TRIM66: variants seen among roughly 807,000 people sequenced by gnomAD.
TRIM66 encodes the protein tripartite motif-containing protein 66.
A neutral mutation model predicts 148.2 loss-of-function variants in TRIM66; 99 were observed. The observed-to-expected ratio is 0.67, with a 90% CI of 0.57 to 0.79. TRIM66 has a LOEUF of 0.79. TRIM66 is among the 30% of genes least tolerant of loss of function. TRIM66 has a pLI of 0.00. For missense variants in TRIM66, 1,666 were observed against 1,697.9 expected, an observed-to-expected ratio of 0.98 and a Z score of 0.33; for synonymous variants, 616 against 635.9, an observed-to-expected ratio of 0.97 and a Z score of 0.47.
intron 6 of TRIM66, among the ~76,000 whole-genome samples, chr11:8,670,017 A>G (rs12799863): frequency 7.1e-6 from 1 of 141,598 alleles, no homozygotes; most frequent in Non-Finnish European, 1.5e-5. Context: ...GTTTTTATTT[A>G]TTTTTTTTTT....
Position 8,621,697 on chromosome 11 carries a change from C to G in TRIM66, c.3203G>C (p.Ser1068Thr). ...LKPQKNDQDGSFLLIIECGTE... is the reference protein window; with the variant it reads ...LKPQKNDQDGTFLLIIECGTE... ...GCCACACTCGATGATCAGCAGGAAG[C>G]TCCCATCCTGATCATTCTTCTGTGG... Residue 1068 changes from serine to threonine, a missense_variant, in exon 19 of 25, where the codon AGC (serine) becomes ACC (threonine). Ser to Thr is a moderately conservative substitution (Grantham distance 58). Coordinates refer to ENST00000646038, the MANE Select transcript of TRIM66 (RefSeq NM_001388022.1). 1 of 1,551,536 alleles carries G rather than the reference C, an allele frequency of 6.4e-7. No individual in the cohort carries two copies. The highest frequency in any genetic ancestry group is 2.4e-5 in the East Asian group (1 of 40,914).
intron 1 of TRIM66, among the ~76,000 whole-genome samples, chr11:8,681,334 CGT>C (rs1387278225): frequency 6.6e-6 from 1 of 151,952 alleles, no homozygotes; most frequent in African/African-American, 2.4e-5. Context: ...GGGGTTTCAC[CGT>C]GTTAGCCAGG....
intron 6 of TRIM66, among the ~76,000 whole-genome samples, chr11:8,669,909 G>C (rs1458456313): frequency 6.6e-6 from 1 of 152,018 alleles, no homozygotes; most frequent in Non-Finnish European, 1.5e-5. Flanking sequence ...TGTTATATAG[G>C]TACATTGTGT....
chr11:8,674,330 T>C (rs1748177433), intron 4 of TRIM66, among the ~76,000 whole-genome samples: 1 of 152,270 alleles, frequency 6.6e-6, no homozygotes, highest in Non-Finnish European at 1.5e-5. Flanking sequence ...TGTTATATGT[T>C]AACACGAATA....
In TRIM66 at chr11:8,617,906, G is replaced by C. The variant is rs1437477145; in HGVS notation, c.*38C>G. ...TGGGGAGGAATGGTCGACAGTATGG[G>C]ACAACAGCTGCCAGAGTGCCCAGTC... On this transcript the variant is annotated 3_prime_UTR_variant, in exon 25 of 25. Transcript: ENST00000646038. 6.5e-7 allele frequency: 1 copy of C among 1,547,256 alleles called. No homozygotes were observed. The highest frequency in any genetic ancestry group is 8.7e-7 in the Non-Finnish European group (1 of 1,142,950).
chr11:8,643,271 C>T (rs540449733), intron 12 of TRIM66, 145 bp from the exon 13 acceptor site: 7 of 582,214 alleles, frequency 1.2e-5, no homozygotes, highest in African/African-American at 1.9e-5. Context: ...TTCTCTTGCA[C>T]CTTAGCACCT....
chr11:8,650,180 C>T (rs1447631441), intron 7 of TRIM66, among the ~76,000 whole-genome samples: 1 of 152,060 alleles, frequency 6.6e-6, no homozygotes, highest in Non-Finnish European at 1.5e-5. Flanking sequence ...TCAGACTAGC[C>T]TGGGCAACAT....
At chr11:8,629,048 T>C (rs983156767) in intron 15 of TRIM66, among the ~76,000 whole-genome samples, 6 of 152,156 alleles carry the variant, frequency 3.9e-5, no homozygotes, top group Non-Finnish European at 8.8e-5. Context: ...ACAAGAAGGG[T>C]TGAAGAGAAG....
chr11:8,661,531 G>A (rs2038255046), intron 6 of TRIM66, among the ~76,000 whole-genome samples: 1 of 152,138 alleles, frequency 6.6e-6, no homozygotes. Flanking sequence ...TTTCCAGCTG[G>A]GCCTGGAGAC....
chr11:8,613,907 T>G lies in TRIM66; in HGVS notation c.*4037A>C, dbSNP rs1409894985. On this transcript the variant is annotated 3_prime_UTR_variant, in exon 25 of 25. Coordinates refer to ENST00000646038, the MANE Select transcript of TRIM66 (RefSeq NM_001388022.1). ...GGAAAAAAAAAGGGATCACAACAAG[T>G]TAAAGAATTTCCAGTCAACACTGAG... 1 of 151,898 alleles carries G rather than the reference T, an allele frequency of 6.6e-6. No homozygotes were observed. Among genetic ancestry groups the G allele is most frequent in the African/African-American group, 2.4e-5 (1 of 41,322 alleles). The allele number at this position is 151,898 out of a possible 1,614,324, so 9.4% of individuals were successfully genotyped here. A position where few individuals can be genotyped will look rare whatever the true frequency, so the allele number is the denominator to read the frequency against.
In TRIM66 at chr11:8,621,183, T is replaced by C. The variant is rs897992769; in HGVS notation, c.3394A>G (p.Thr1132Ala). The C allele has an allele frequency of 1.9e-6, 3 of 1,551,528 alleles. No individual in the cohort carries two copies. The highest frequency in any genetic ancestry group is 2.6e-6 in the Non-Finnish European group (3 of 1,146,982). The change falls in exon 20 of 25, where the codon ACC (threonine) becomes GCC (alanine). Residue 1132 changes from threonine to alanine, a missense_variant. Coordinates refer to ENST00000646038, the MANE Select transcript of TRIM66 (RefSeq NM_001388022.1). ...GGGGGGCCCTTCTTGGCTCCTGGGGTTCGAGGAATGAGTCTGTGTTCTTCA... is the reference window on the plus strand; with the variant it reads ...GGGGGGCCCTTCTTGGCTCCTGGGGCTCGAGGAATGAGTCTGTGTTCTTCA... ...SPEEHRLIPR[T>A]PGAKKGPPAP...
At chr11:8,665,526 G>A (rs1296777972) in intron 6 of TRIM66, among the ~76,000 whole-genome samples, 1 of 152,150 alleles carries the variant, frequency 6.6e-6, no homozygotes, top group Non-Finnish European at 1.5e-5. Flanking sequence ...TGAAGTCAAG[G>A]GCTCTGTCTT....
intron 6 of TRIM66, among the ~76,000 whole-genome samples, chr11:8,652,850 T>C (rs748873371): frequency 2.0e-5 from 3 of 152,252 alleles, no homozygotes; most frequent in Non-Finnish European, 4.4e-5. Flanking sequence ...AATGATATGA[T>C]GGCAGTTGCT....
chr11:8,638,542 A>C, intron 15 of TRIM66, 112 bp downstream of exon 15: 5 of 1,214,262 alleles, frequency 4.1e-6, no homozygotes, highest in Non-Finnish European at 5.7e-6. Context: ...TGTAGCGTCC[A>C]GGGATGGAAC....
intron 15 of TRIM66, among the ~76,000 whole-genome samples, chr11:8,634,235 G>A (rs1485036603): frequency 2.0e-5 from 3 of 152,088 alleles, no homozygotes; most frequent in Non-Finnish European, 2.9e-5. Context: ...GCGCAATCTC[G>A]GCTCACTACA....
intron 6 of TRIM66, 131 bp from the exon 7 acceptor site, chr11:8,652,034 T>G (rs948886271): frequency 4.4e-6 from 3 of 683,744 alleles, no homozygotes; most frequent in South Asian, 2.0e-5. Context: ...TGAACTACAC[T>G]TGATGCCATA....
chr11:8,618,422 T>C (rs964573042), intron 24 of TRIM66, among the ~76,000 whole-genome samples: 1 of 152,204 alleles, frequency 6.6e-6, no homozygotes, highest in Non-Finnish European at 1.5e-5. Context: ...AATTCCCTTC[T>C]TAGGGGCATC....
In TRIM66 at chr11:8,614,413, A is replaced by C. The variant is rs1055049078; in HGVS notation, c.*3531T>G. 6.6e-6 allele frequency: 1 copy of C among 152,264 alleles called. No homozygotes were observed. The highest frequency in any genetic ancestry group is 1.5e-5 in the Non-Finnish European group (1 of 68,094). 9.4% of individuals were successfully genotyped at this position (152,264 alleles called of 1,614,324 possible). Reference sequence around the variant, plus strand: ...ATGAGAAAGTTCAGGATGCTGACAAAAACATCAGTGTGTGATAGGCTCTGG... The same window carrying C: ...ATGAGAAAGTTCAGGATGCTGACAACAACATCAGTGTGTGATAGGCTCTGG... On this transcript the variant is annotated 3_prime_UTR_variant, in exon 25 of 25. Transcript: ENST00000646038.
At chr11:8,632,225 T>C (rs2035470522) in intron 15 of TRIM66, among the ~76,000 whole-genome samples, 1 of 151,862 alleles carries the variant, frequency 6.6e-6, no homozygotes, top group Non-Finnish European at 1.5e-5. Context: ...GGAGAATTGC[T>C]TGAACCCAGG....
Sources: gnomAD v4.1 joint callset for allele counts (sites outside exome capture counted in the v4.1 genomes callset) on GRCh38, gnomAD v4.1.1 for gene constraint, MANE v1.5 for transcripts, NCBI Gene and HGNC (gene_info 2026-07-23, HGNC 2026-07-21) for gene names.